The following SYT9 variants were observed in gnomAD, a reference collection of about 807,000 sequenced individuals.
The protein encoded by SYT9 is synaptotagmin-9.
A neutral mutation model predicts 48.4 loss-of-function variants in SYT9; 22 were observed. The ratio of observed to expected loss-of-function variants is 0.45; its 90% confidence interval spans 0.32 to 0.65. The LOEUF is 0.65. Among genes scored for constraint, SYT9 ranks in the 30% least tolerant of loss-of-function variants. SYT9 has a pLI of 0.03. For missense variants in SYT9, 577 were observed against 622.0 expected, an observed-to-expected ratio of 0.93 and a Z score of 0.77; for synonymous variants, 265 against 245.0, an observed-to-expected ratio of 1.08 and a Z score of -0.76.
At position 7,308,195 on chromosome 11, in the gene SYT9, C is replaced by G. The variant is rs10500694; in HGVS notation, c.497+4805C>G. 6.6e-3 allele frequency among the ~76,000 whole-genome samples: 1,000 copies of G among 152,278 alleles called. 17 individuals carry two copies. Among genetic ancestry groups the G allele is most frequent in the East Asian group, 0.042 (218 of 5,182 alleles). On this transcript the variant is annotated intron_variant, in intron 2 of 6. Transcript: ENST00000318881. ...TCTCCACCATTTCCATAATTCCCTGCCTTGACTTGAACATAGGAAAGAAAC... is the reference window on the plus strand; with the variant it reads ...TCTCCACCATTTCCATAATTCCCTGGCTTGACTTGAACATAGGAAAGAAAC...
Position 7,276,954 on chromosome 11 carries a change from T to C in SYT9, c.145+24623T>C, listed in dbSNP as rs189727390. Among the ~76,000 whole-genome samples the C allele has an allele frequency of 5.2e-4, 79 of 151,816 alleles. 1 individual carries two copies. Among genetic ancestry groups the C allele is most frequent in the Non-Finnish European group, 9.3e-4 (63 of 67,970 alleles). On this transcript the variant is annotated intron_variant, in intron 1 of 6. Transcript: ENST00000318881. ...CTGTAATCCCAGCTACTCGGGAGGC[T>C]GAGGAAGGAGAATTGCTTGAACCTG...
intron 3 of SYT9, among the ~76,000 whole-genome samples, chr11:7,413,233 G>A (rs1313738913): frequency 1.3e-5 from 2 of 152,110 alleles, no homozygotes; most frequent in Admixed American, 6.5e-5. Context: ...TAGTGACAGC[G>A]GGATTTATCC....
intron 3 of SYT9, among the ~76,000 whole-genome samples, chr11:7,320,076 T>C (rs1218005552): frequency 6.6e-6 from 1 of 152,222 alleles, no homozygotes; most frequent in African/African-American, 2.4e-5. Context: ...TAGTAATCTG[T>C]GTATTATATA....
At chr11:7,302,643 A>G (rs1218214061) in intron 1 of SYT9, among the ~76,000 whole-genome samples, 1 of 152,248 alleles carries the variant, frequency 6.6e-6, no homozygotes. Context: ...CTCTGAGATG[A>G]CAGAATAATT....
At chr11:7,414,626 T>C (rs1410232551) in intron 3 of SYT9, among the ~76,000 whole-genome samples, 2 of 149,510 alleles carry the variant, frequency 1.3e-5, no homozygotes, top group Admixed American at 6.6e-5. Flanking sequence ...AGGTCATGGC[T>C]CCAGGAACCA....
At chr11:7,358,416 T>G (rs7122718) in intron 3 of SYT9, among the ~76,000 whole-genome samples, 43,945 of 152,028 alleles carry the variant, frequency 0.29, 6,923 homozygotes, top group Non-Finnish European at 0.36. Context: ...AACACAATTT[T>G]TCTTCCTTTT....
chr11:7,411,837 A>G (rs1196947884), intron 3 of SYT9, among the ~76,000 whole-genome samples: 1 of 152,156 alleles, frequency 6.6e-6, no homozygotes, highest in Non-Finnish European at 1.5e-5. Context: ...GGGGACACTG[A>G]TAATTAGAAT....
chr11:7,320,646 G>T (rs1189971648), intron 3 of SYT9, among the ~76,000 whole-genome samples: 1 of 152,154 alleles, frequency 6.6e-6, no homozygotes, highest in Non-Finnish European at 1.5e-5. Context: ...ATGCAGAACT[G>T]AACTCATAAA....
intron 6 of SYT9, among the ~76,000 whole-genome samples, chr11:7,428,517 C>T (rs534803215): frequency 7.2e-5 from 11 of 152,198 alleles, no homozygotes; most frequent in Non-Finnish European, 1.5e-4. Context: ...GAAGACTGTT[C>T]CCTCCTGGGG....
At chr11:7,294,947 A>G (rs887879119) in intron 1 of SYT9, among the ~76,000 whole-genome samples, 4 of 152,164 alleles carry the variant, frequency 2.6e-5, no homozygotes, top group Non-Finnish European at 5.9e-5. Context: ...TCCAAATCTG[A>G]CAGCCTTCCT....
At chr11:7,448,142 G>A (rs899535519) in intron 6 of SYT9, among the ~76,000 whole-genome samples, 1 of 152,200 alleles carries the variant, frequency 6.6e-6, no homozygotes, top group African/African-American at 2.4e-5. Flanking sequence ...TGGGGCTCGG[G>A]GTCCCGTGAA....
At chr11:7,339,553 A>G (rs116460058) in intron 3 of SYT9, among the ~76,000 whole-genome samples, 2,850 of 152,256 alleles carry the variant, frequency 0.019, 73 homozygotes, top group African/African-American at 0.063. Flanking sequence ...TCTGGTGATA[A>G]CAGACTCCCT....
At chr11:7,242,977 C>T (rs1430417313) in intron 1 of SYT9, among the ~76,000 whole-genome samples, 1 of 151,972 alleles carries the variant, frequency 6.6e-6, no homozygotes, top group Non-Finnish European at 1.5e-5. Flanking sequence ...ACCCGGGAGG[C>T]GGAGGTTGCA....
chr11:7,405,012 A>G (rs1324189717), intron 3 of SYT9, among the ~76,000 whole-genome samples: 1 of 148,844 alleles, frequency 6.7e-6, no homozygotes, highest in Non-Finnish European at 1.5e-5. Context: ...CTTTCTTTGT[A>G]TGGTGTTTTT....
intron 3 of SYT9, among the ~76,000 whole-genome samples, chr11:7,391,490 A>G (rs1033953809): frequency 4.6e-5 from 7 of 152,048 alleles, no homozygotes; most frequent in African/African-American, 1.4e-4. Context: ...CTTTTTAATA[A>G]AAGTAATTCT....
intron 6 of SYT9, among the ~76,000 whole-genome samples, chr11:7,432,415 C>G (rs1847592362): frequency 2.0e-5 from 3 of 151,182 alleles, no homozygotes; most frequent in Admixed American, 2.0e-4. Context: ...GGCATGGTGG[C>G]AGGTGCCTTC....
At chr11:7,267,283 T>C (rs1200267499) in intron 1 of SYT9, among the ~76,000 whole-genome samples, 1 of 152,008 alleles carries the variant, frequency 6.6e-6, no homozygotes, top group African/African-American at 2.4e-5. Context: ...ATAGAAGTTA[T>C]AGAGTTAAAA....
At chr11:7,329,765 G>A (rs1022380573) in intron 3 of SYT9, among the ~76,000 whole-genome samples, 2 of 152,152 alleles carry the variant, frequency 1.3e-5, no homozygotes, top group Non-Finnish European at 1.5e-5. Context: ...AGTTAGCTGT[G>A]GCATTTGCCC....
At chr11:7,464,429 T>C (rs1463599982) in intron 6 of SYT9, among the ~76,000 whole-genome samples, 1 of 152,210 alleles carries the variant, frequency 6.6e-6, no homozygotes, top group African/African-American at 2.4e-5. Context: ...GACTTTGAAA[T>C]TGGAAGTCTT....
Sources: gnomAD v4.1 joint callset for allele counts (sites outside exome capture counted in the v4.1 genomes callset) on GRCh38, gnomAD v4.1.1 for gene constraint, MANE v1.5 for transcripts, NCBI Gene and HGNC (gene_info 2026-07-23, HGNC 2026-07-21) for gene names.